CMTM8: variants seen among roughly 807,000 people sequenced by gnomAD.
The protein encoded by CMTM8 is CKLF-like MARVEL transmembrane domain-containing protein 8.
A neutral mutation model predicts 18.6 loss-of-function variants in CMTM8; 12 were observed. The ratio of observed to expected loss-of-function variants is 0.65; its 90% CI spans 0.41 to 1.05. The LOEUF (loss-of-function observed/expected upper bound fraction) is 1.05. Ranked by LOEUF, CMTM8 falls within the 50% of genes least tolerant of loss-of-function variation. CMTM8 has a pLI of 0.00. For synonymous variants in CMTM8, 87 were observed against 90.6 expected, an observed-to-expected ratio of 0.96 and a Z score of 0.23; for missense variants, 217 against 227.2, an observed-to-expected ratio of 0.95 and a Z score of 0.29.
At chr3:32,280,772 G>T (rs1186775244) in intron 1 of CMTM8, among the ~76,000 whole-genome samples, 4 of 146,236 alleles carry the variant, frequency 2.7e-5, no homozygotes, top group Admixed American at 2.1e-4. Flanking sequence ...TCTACTTCTG[G>T]TACCTGGGGT....
chr3:32,260,026 CA>C, intron 1 of CMTM8: 1 of 1,130,586 alleles, frequency 8.8e-7, no homozygotes, highest in Non-Finnish European at 1.3e-6. Context: ...CCCAGGAGTA[CA>C]AGGCCCTGCT....
intron 1 of CMTM8, among the ~76,000 whole-genome samples, chr3:32,249,476 T>C (rs1702087189): frequency 6.6e-6 from 1 of 152,032 alleles, no homozygotes; most frequent in African/African-American, 2.4e-5. Flanking sequence ...CTAGACTGTT[T>C]CCAAAGGGAC....
At chr3:32,298,798 AAT>A (rs139764907) in intron 1 of CMTM8, among the ~76,000 whole-genome samples, 29 of 136,150 alleles carry the variant, frequency 2.1e-4, no homozygotes, top group African/African-American at 2.2e-4. Flanking sequence ...ACACCCAGCT[AAT>A]ATATATATAT....
At chr3:32,360,930 T>C (rs1380485327) in intron 2 of CMTM8, among the ~76,000 whole-genome samples, 1 of 152,250 alleles carries the variant, frequency 6.6e-6, no homozygotes, top group East Asian at 1.9e-4. Flanking sequence ...AAAATAGTTA[T>C]AGATCCATAA....
chr3:32,315,255 G>A (rs1027749009), intron 1 of CMTM8, among the ~76,000 whole-genome samples: 2 of 151,312 alleles, frequency 1.3e-5, no homozygotes, highest in Non-Finnish European at 1.5e-5. Context: ...TCAGCCTCCC[G>A]AGTAGCTGGG....
chr3:32,305,519 T>TGCC (rs1286527506), intron 1 of CMTM8, among the ~76,000 whole-genome samples: 8 of 152,230 alleles, frequency 5.3e-5, no homozygotes, highest in Non-Finnish European at 1.2e-4. Flanking sequence ...TCCTGGACCC[T>TGCC]GCCTTCAAAG....
chr3:32,288,707 A>G (rs138847766), intron 1 of CMTM8, among the ~76,000 whole-genome samples: 233 of 152,196 alleles, frequency 1.5e-3, no homozygotes, highest in African/African-American at 4.6e-3. Flanking sequence ...TCACCATGTT[A>G]GCCAGGATGT....
intron 1 of CMTM8, among the ~76,000 whole-genome samples, chr3:32,248,667 G>GT (rs77008510): frequency 0.047 from 6,783 of 143,318 alleles, 556 homozygotes; most frequent in East Asian, 0.39. Context: ...CCTGGCCCAT[G>GT]TTTTTTTTTT....
intron 1 of CMTM8, among the ~76,000 whole-genome samples, chr3:32,316,667 T>A (rs1303685719): frequency 1.5e-5 from 1 of 64,752 alleles, no homozygotes; most frequent in Non-Finnish European, 3.2e-5. Flanking sequence ...TGTTTGGGGA[T>A]TTTTTTTTCC....
intron 1 of CMTM8, among the ~76,000 whole-genome samples, chr3:32,258,079 G>C (rs1016942045): frequency 6.6e-6 from 1 of 152,178 alleles, no homozygotes; most frequent in Non-Finnish European, 1.5e-5. Flanking sequence ...CTCTTTAGCA[G>C]ATTACCCTTA....
At chr3:32,320,938 AACTC>A (rs1367854358) in intron 1 of CMTM8, among the ~76,000 whole-genome samples, 1 of 152,110 alleles carries the variant, frequency 6.6e-6, no homozygotes, top group East Asian at 1.9e-4. Flanking sequence ...ATAATAAACT[AACTC>A]CTTCCTTCTC....
intron 1 of CMTM8, among the ~76,000 whole-genome samples, chr3:32,275,309 T>G (rs1702499571): frequency 6.6e-6 from 1 of 152,096 alleles, no homozygotes; most frequent in Admixed American, 6.6e-5. Context: ...AATGTGATCT[T>G]TTTCTGAGCA....
At chr3:32,290,617 T>C (rs765019221) in intron 1 of CMTM8, among the ~76,000 whole-genome samples, 31 of 152,354 alleles carry the variant, frequency 2.0e-4, no homozygotes, top group Non-Finnish European at 4.3e-4. Flanking sequence ...GGGCCGGTGT[T>C]TGTATTTTCA....
intron 1 of CMTM8, among the ~76,000 whole-genome samples, chr3:32,343,001 C>T (rs542830510): frequency 2.0e-5 from 3 of 152,168 alleles, no homozygotes; most frequent in Non-Finnish European, 4.4e-5. Context: ...AGGATTTTCC[C>T]CACTAAGCAA....
At chr3:32,346,635 G>C (rs899858244) in intron 1 of CMTM8, among the ~76,000 whole-genome samples, 1 of 151,864 alleles carries the variant, frequency 6.6e-6, no homozygotes, top group Non-Finnish European at 1.5e-5. Flanking sequence ...TTTTTATAAG[G>C]GTACTAATCT....
At chr3:32,303,711 C>T (rs1213650791) in intron 1 of CMTM8, among the ~76,000 whole-genome samples, 1 of 152,082 alleles carries the variant, frequency 6.6e-6, no homozygotes, top group Non-Finnish European at 1.5e-5. Context: ...TTGTAGACTC[C>T]TCACTTACAT....
intron 1 of CMTM8, among the ~76,000 whole-genome samples, chr3:32,255,106 C>CT (rs1040951299): frequency 2.0e-5 from 3 of 151,100 alleles, no homozygotes; most frequent in East Asian, 1.9e-4. Context: ...TATTTCATTT[C>CT]TTTTTTTTTA....
At chr3:32,260,295 A>G (rs1702238526) in intron 1 of CMTM8, 7 of 750,304 alleles carry the variant, frequency 9.3e-6, no homozygotes, top group Non-Finnish European at 1.3e-5. Context: ...GGTCATTGGA[A>G]AAAAAAAGTA....
intron 1 of CMTM8, among the ~76,000 whole-genome samples, chr3:32,263,281 G>A (rs1702283163): frequency 6.6e-6 from 1 of 152,162 alleles, no homozygotes; most frequent in African/African-American, 2.4e-5. Flanking sequence ...AGGCAGCAAC[G>A]TTTGCATTTC....
Sources: gnomAD v4.1 joint callset for allele counts (sites outside exome capture counted in the v4.1 genomes callset) on GRCh38, gnomAD v4.1.1 for gene constraint, MANE v1.5 for transcripts, NCBI Gene and HGNC (gene_info 2026-07-23, HGNC 2026-07-21) for gene names.